Variants in PPP3CA observed in about 807,000 individuals in gnomAD.
PPP3CA encodes CAM-PRP catalytic subunit.
A neutral mutation model predicts 66.5 loss-of-function variants in PPP3CA; 14 were observed. The ratio of observed to expected loss-of-function variants is 0.21; its 90% confidence interval spans 0.14 to 0.33. PPP3CA has a LOEUF of 0.33. Among genes scored for constraint, PPP3CA ranks in the 10% least tolerant of loss-of-function variants. The pLI is 1.00. For missense variants in PPP3CA, 317 were observed against 639.5 expected, an observed-to-expected ratio of 0.50 and a Z score of 5.44; for synonymous variants, 232 against 226.2, an observed-to-expected ratio of 1.03 and a Z score of -0.23.
chr4:101,293,696 C>T (rs944522759), intron 1 of PPP3CA, among the ~76,000 whole-genome samples: 4 of 152,186 alleles, frequency 2.6e-5, no homozygotes, highest in African/African-American at 4.8e-5. Flanking sequence ...GAGGCCCACG[C>T]CCTCCCTTCA....
At chr4:101,267,255 A>G (rs755835573) in intron 1 of PPP3CA, among the ~76,000 whole-genome samples, 5 of 152,232 alleles carry the variant, frequency 3.3e-5, no homozygotes, top group Non-Finnish European at 5.9e-5. Flanking sequence ...GCTCATCTAA[A>G]AGTTGAATAA....
intron 3 of PPP3CA, among the ~76,000 whole-genome samples, chr4:101,099,976 C>G (rs1428969020): frequency 6.6e-6 from 1 of 151,514 alleles, no homozygotes; most frequent in African/African-American, 2.4e-5. Context: ...CAATGGATTA[C>G]ATATGGTCAA....
chr4:101,080,590 G>T lies in PPP3CA; in HGVS notation c.897C>A (p.Phe299Leu). Residue 299 changes from phenylalanine to leucine, a missense_variant, in exon 8 of 14, where the codon TTC becomes TTA. Around this residue, in one of 3 missense-constraint regions of PPP3CA, gnomAD observed 201 missense variants for 501.4 expected, o/e 0.40. Coordinates refer to ENST00000394854, the MANE Select transcript of PPP3CA (RefSeq NM_000944.5). ...CTGAAAAAATTGTAATTAGAGAAGG[G>T]AAGCCTGTTGTTTGGCTTTTCCTGT... ...RMYRKSQTTG[F>L]PSLITIFSAP... 6.5e-7 allele frequency: 1 copy of T among 1,531,196 alleles called. No homozygotes were observed. Among genetic ancestry groups the T allele is most frequent in the South Asian group, 1.3e-5 (1 of 74,186 alleles). The allele number at this position is 1,531,196 out of a possible 1,614,324, so 94.9% of individuals were successfully genotyped here.
chr4:101,209,035 A>C (rs1042191244), intron 1 of PPP3CA, among the ~76,000 whole-genome samples: 15 of 152,170 alleles, frequency 9.9e-5, no homozygotes, highest in Non-Finnish European at 2.9e-5. Flanking sequence ...AAAATATAGA[A>C]ACTTCTACAA....
At chr4:101,060,251 C>T (rs1009274591) in intron 10 of PPP3CA, among the ~76,000 whole-genome samples, 2 of 151,994 alleles carry the variant, frequency 1.3e-5, no homozygotes, top group African/African-American at 2.4e-5. Context: ...CCACACATGG[C>T]TAATTTTTTG....
At chr4:101,262,298 C>G (rs933809477) in intron 1 of PPP3CA, among the ~76,000 whole-genome samples, 4 of 151,994 alleles carry the variant, frequency 2.6e-5, no homozygotes, top group Non-Finnish European at 5.9e-5. Context: ...CTCCCTCATC[C>G]AAGATTGAAA....
chr4:101,069,538 T>C lies in PPP3CA; in HGVS notation c.956-6181A>G, dbSNP rs920886983. Among the ~76,000 whole-genome samples, 5 of 152,290 alleles carry C rather than the reference T, an allele frequency of 3.3e-5. No homozygotes were observed. In the East Asian group the frequency reaches 9.7e-4, roughly 29 times the overall value. On this transcript the variant is annotated intron_variant, in intron 8 of 13. Coordinates refer to ENST00000394854, the MANE Select transcript of PPP3CA (RefSeq NM_000944.5). The stretch of plus-strand genomic sequence containing the variant: ...CCTACATGAAGGGCAGAGATGGCAA[T>C]AGATATTTCTGTGAAACAATATGAG...
intron 2 of PPP3CA, among the ~76,000 whole-genome samples, chr4:101,176,383 G>A (rs963864581): frequency 3.3e-5 from 5 of 152,086 alleles, no homozygotes; most frequent in African/African-American, 7.2e-5. Flanking sequence ...ATTGTTATTC[G>A]GAAGGAAATA....
chr4:101,294,873 A>G (rs1199687307), intron 1 of PPP3CA, among the ~76,000 whole-genome samples: 2 of 152,170 alleles, frequency 1.3e-5, no homozygotes, highest in East Asian at 3.8e-4. Context: ...ACTAAAAAAA[A>G]AAAATTAAAA....
In PPP3CA at chr4:101,126,020, G is replaced by A. The variant is rs72929349; in HGVS notation, c.260-16942C>T. On this transcript the variant is annotated intron_variant, in intron 2 of 13. Transcript: ENST00000394854. ...TGGTAGGGGGTAGGAAGAGAGATGT[G>A]CAGGTAAATTTATACACAATATTTT... Among the ~76,000 whole-genome samples, 958 of 152,244 alleles carry A rather than the reference G, an allele frequency of 6.3e-3. 14 individuals are homozygous for A. The highest frequency in any genetic ancestry group is 0.021 in the African/African-American group (886 of 41,532).
intron 1 of PPP3CA, among the ~76,000 whole-genome samples, chr4:101,277,868 G>A (rs1048514634): frequency 6.6e-6 from 1 of 152,074 alleles, no homozygotes; most frequent in Non-Finnish European, 1.5e-5. Context: ...ATGTTCTTTA[G>A]AAGAAAATTC....
At chr4:101,088,584 CAA>C (rs1174497803) in intron 6 of PPP3CA, among the ~76,000 whole-genome samples, 229 of 35,724 alleles carry the variant, frequency 6.4e-3, no homozygotes, top group African/African-American at 0.015. Flanking sequence ...GACTCCATCT[CAA>C]AAAAAAAAAA....
intron 1 of PPP3CA, among the ~76,000 whole-genome samples, chr4:101,272,845 G>C (rs1420558513): frequency 1.3e-5 from 2 of 152,160 alleles, no homozygotes; most frequent in African/African-American, 4.8e-5. Context: ...GAAATAACTT[G>C]TAACCCAAAT....
chr4:101,038,698 A>G (rs1234645135), intron 11 of PPP3CA, among the ~76,000 whole-genome samples: 1 of 151,874 alleles, frequency 6.6e-6, no homozygotes, highest in Non-Finnish European at 1.5e-5. Flanking sequence ...TTTATTGTCT[A>G]TCTGGCTGGC....
At chr4:101,126,130 C>G (rs1472984666) in intron 2 of PPP3CA, among the ~76,000 whole-genome samples, 1 of 152,172 alleles carries the variant, frequency 6.6e-6, no homozygotes, top group African/African-American at 2.4e-5. Flanking sequence ...TAATGAACTA[C>G]TGTGAAAGGT....
At chr4:101,255,536 T>G (rs1164897252) in intron 1 of PPP3CA, among the ~76,000 whole-genome samples, 3 of 151,720 alleles carry the variant, frequency 2.0e-5, no homozygotes, top group African/African-American at 7.3e-5. Flanking sequence ...ATACAGACCC[T>G]CCTCTCTAAT....
intron 2 of PPP3CA, among the ~76,000 whole-genome samples, chr4:101,111,476 G>A (rs1721667544): frequency 6.6e-6 from 1 of 152,144 alleles, no homozygotes; most frequent in Non-Finnish European, 1.5e-5. Flanking sequence ...AGCCAAGTGA[G>A]GGGCTAAGAC....
intron 2 of PPP3CA, among the ~76,000 whole-genome samples, chr4:101,187,956 T>A (rs1280871271): frequency 6.6e-6 from 1 of 152,132 alleles, no homozygotes; most frequent in East Asian, 1.9e-4. Context: ...AACAAATGTC[T>A]GCATGTCATT....
At chr4:101,035,317 T>TAA (rs749741840) in intron 11 of PPP3CA, among the ~76,000 whole-genome samples, 78 of 145,158 alleles carry the variant, frequency 5.4e-4, no homozygotes, top group Middle Eastern at 6.8e-3. Context: ...ATGGGACTCA[T>TAA]CAAAAAAAAC....
Sources: allele counts gnomAD v4.1 joint callset (sites outside exome capture counted in the v4.1 genomes callset), GRCh38; gene constraint gnomAD v4.1.1; regional missense constraint gnomAD v4.1.1; transcripts MANE v1.5; gene names NCBI Gene and HGNC (gene_info 2026-07-23, HGNC 2026-07-21).